Variants in TCF7L1 observed in about 807,000 individuals in gnomAD.
TCF7L1 encodes the protein transcription factor 7 like 1, also known as transcription factor 7-like 1.
TCF7L1 carries 18 observed loss-of-function variants against 63.7 expected under a neutral mutation model. That is an observed-to-expected ratio of 0.28 (90% CI 0.20 to 0.42). TCF7L1 has a LOEUF of 0.42. TCF7L1 is among the 10% of genes least tolerant of loss of function. The pLI, the probability that TCF7L1 is intolerant of heterozygous loss-of-function variation, is 1.00. For missense variants in TCF7L1, 654 were observed against 779.3 expected, an observed-to-expected ratio of 0.84 and a Z score of 1.91; for synonymous variants, 355 against 340.9, an observed-to-expected ratio of 1.04 and a Z score of -0.46.
chr2:85,308,962 G>A, intron 11 of TCF7L1, 67 bp from the exon 12 acceptor site: 2 of 1,503,318 alleles, frequency 1.3e-6, no homozygotes, highest in South Asian at 1.3e-5. Flanking sequence ...TATCGCCAGG[G>A]CTGTTCCTCA....
At chr2:85,304,141 C>T (rs1682050666) in intron 6 of TCF7L1, 114 bp from the exon 7 acceptor site, 1 of 1,294,600 alleles carries the variant, frequency 7.7e-7, no homozygotes, top group East Asian at 2.4e-5. Flanking sequence ...CAGCGTGCTC[C>T]CAGCATTACC....
chr2:85,308,902 A>G, intron 11 of TCF7L1, 127 bp from the exon 12 acceptor site: 1 of 1,082,796 alleles, frequency 9.2e-7, no homozygotes, highest in Admixed American at 2.4e-5. Context: ...AAGCCTTGGA[A>G]GTAATGTCAG....
intron 3 of TCF7L1, among the ~76,000 whole-genome samples, chr2:85,263,745 C>A (rs1180492170): frequency 6.6e-6 from 1 of 152,200 alleles, no homozygotes; most frequent in Non-Finnish European, 1.5e-5. Context: ...AGGCTGGAGC[C>A]AGCTGCAGAG....
chr2:85,301,721 C>G (rs1681982175), intron 4 of TCF7L1, among the ~76,000 whole-genome samples: 1 of 152,166 alleles, frequency 6.6e-6, no homozygotes, highest in African/African-American at 2.4e-5. Flanking sequence ...GAATATGAGA[C>G]TTGGTAGTAT....
At chr2:85,154,729 G>GT (rs1254107875) in intron 3 of TCF7L1, among the ~76,000 whole-genome samples, 1 of 152,154 alleles carries the variant, frequency 6.6e-6, no homozygotes, top group Non-Finnish European at 1.5e-5. Context: ...CAGTGGATTT[G>GT]TTTTGTTCCT....
intron 3 of TCF7L1, among the ~76,000 whole-genome samples, chr2:85,282,038 A>G (rs1573024294): frequency 1.3e-5 from 2 of 152,052 alleles, no homozygotes; most frequent in Admixed American, 6.5e-5. Context: ...TCCAGGCTGT[A>G]GTGCCATGGC....
intron 3 of TCF7L1, among the ~76,000 whole-genome samples, chr2:85,165,307 G>C (rs569867541): frequency 6.6e-6 from 1 of 152,194 alleles, no homozygotes; most frequent in Non-Finnish European, 1.5e-5. Flanking sequence ...TGTAGACTAC[G>C]GCTTGCCTTC....
chr2:85,173,884 G>A (rs1056301256), intron 3 of TCF7L1, among the ~76,000 whole-genome samples: 5 of 151,962 alleles, frequency 3.3e-5, no homozygotes, highest in East Asian at 3.9e-4. Flanking sequence ...TTACAGACCC[G>A]CACCACCACG....
At chr2:85,296,821 A>C (rs1403128171) in intron 4 of TCF7L1, among the ~76,000 whole-genome samples, 3 of 152,250 alleles carry the variant, frequency 2.0e-5, no homozygotes, top group Non-Finnish European at 4.4e-5. Flanking sequence ...TACAGAGAAA[A>C]AAAATTAAAA....
intron 3 of TCF7L1, among the ~76,000 whole-genome samples, chr2:85,195,633 A>G (rs1679137324): frequency 6.6e-6 from 1 of 151,714 alleles, no homozygotes; most frequent in Admixed American, 6.6e-5. Flanking sequence ...TGCAGCCTCA[A>G]CCTCCCAGGC....
chr2:85,145,091 C>T (rs1456760053), intron 3 of TCF7L1, among the ~76,000 whole-genome samples: 8 of 150,594 alleles, frequency 5.3e-5, no homozygotes, highest in Admixed American at 5.3e-4. Flanking sequence ...GAAATCATGA[C>T]ATTCCATACT....
At chr2:85,275,370 G>A (rs1681246898) in intron 3 of TCF7L1, among the ~76,000 whole-genome samples, 1 of 152,174 alleles carries the variant, frequency 6.6e-6, no homozygotes, top group Non-Finnish European at 1.5e-5. Flanking sequence ...AAAATTGCCA[G>A]GTTCTTTGGA....
chr2:85,230,694 C>G (rs1389596456), intron 3 of TCF7L1, among the ~76,000 whole-genome samples: 1 of 152,190 alleles, frequency 6.6e-6, no homozygotes, highest in Non-Finnish European at 1.5e-5. Context: ...GCTGAATCAG[C>G]TTATACCGGG....
chr2:85,259,873 G>T (rs1232426969), intron 3 of TCF7L1, among the ~76,000 whole-genome samples: 1 of 152,186 alleles, frequency 6.6e-6, no homozygotes, highest in African/African-American at 2.4e-5. Context: ...CTGAGCACTG[G>T]CTGGACCCTG....
In TCF7L1 at chr2:85,284,477, A is replaced by T. The variant is rs139438050; in HGVS notation, c.525+899A>T. Among the ~76,000 whole-genome samples, 643 of 152,326 alleles carry T rather than the reference A, an allele frequency of 4.2e-3. 4 individuals carry two copies. Among genetic ancestry groups the T allele is most frequent in the African/African-American group, 0.014 (602 of 41,574 alleles). On this transcript the variant is annotated intron_variant, in intron 4 of 11. Coordinates refer to ENST00000282111, the MANE Select transcript of TCF7L1 (RefSeq NM_031283.3). ...GACAGGAGCAGTGGATCCAAGCAGT[A>T]CCTCTGGCCTCCTCAGGACATGCAA...
intron 3 of TCF7L1, among the ~76,000 whole-genome samples, chr2:85,160,033 C>G (rs533033696): frequency 1.3e-5 from 2 of 152,334 alleles, no homozygotes; most frequent in South Asian, 4.1e-4. Flanking sequence ...GCTTTTCTCA[C>G]TCTACCTAAA....
chr2:85,194,527 A>G (rs1334580820), intron 3 of TCF7L1, among the ~76,000 whole-genome samples: 1 of 152,184 alleles, frequency 6.6e-6, no homozygotes, highest in Admixed American at 6.5e-5. Context: ...TGAAAATTGT[A>G]GGAAAAGTAG....
At chr2:85,207,340 C>T (rs1184835845) in intron 3 of TCF7L1, among the ~76,000 whole-genome samples, 3 of 152,152 alleles carry the variant, frequency 2.0e-5, no homozygotes, top group South Asian at 2.1e-4. Flanking sequence ...CACCAAGCTC[C>T]GTCCACTGCA....
intron 3 of TCF7L1, among the ~76,000 whole-genome samples, chr2:85,263,938 T>C (rs772236681): frequency 1.3e-5 from 2 of 151,974 alleles, no homozygotes; most frequent in Non-Finnish European, 2.9e-5. Context: ...GAAGATGACA[T>C]TGGGTTTGGT....
Sources: gnomAD v4.1 joint callset for allele counts (sites outside exome capture counted in the v4.1 genomes callset) on GRCh38, gnomAD v4.1.1 for gene constraint, MANE v1.5 for transcripts, NCBI Gene and HGNC (gene_info 2026-07-23, HGNC 2026-07-21) for gene names.